The following GRIP1 variants were observed in gnomAD, a reference collection of about 807,000 sequenced individuals.
The protein encoded by GRIP1 is glutamate receptor interacting protein 1.
Under a neutral mutation model 129.9 loss-of-function variants are expected in GRIP1, and 45 were observed. That is an observed-to-expected ratio of 0.35 (90% CI 0.27 to 0.44). The LOEUF is 0.44. Ranked by LOEUF, GRIP1 falls within the 20% of genes least tolerant of loss-of-function variation. The pLI is 1.00. For synonymous variants in GRIP1, 530 were observed against 520.8 expected, an observed-to-expected ratio of 1.02 and a Z score of -0.24; for missense variants, 1,196 against 1,396.8, an observed-to-expected ratio of 0.86 and a Z score of 2.29.
chr12:66,565,402 T>C (rs1196845868), intron 2 of GRIP1, among the ~76,000 whole-genome samples: 4 of 152,210 alleles, frequency 2.6e-5, no homozygotes, highest in Non-Finnish European at 4.4e-5. Flanking sequence ...ATTTCTTGTT[T>C]TTGTCAGGTT....
intron 1 of GRIP1, among the ~76,000 whole-genome samples, chr12:66,992,541 CAT>C (rs10549958): frequency 0.24 from 36,606 of 151,934 alleles, 4,833 homozygotes; most frequent in East Asian, 0.4. Context: ...AAAGATAAGA[CAT>C]GTGCTATCAA....
At chr12:66,805,385 T>C (rs923715736), upstream of GRIP1, among the ~76,000 whole-genome samples, 3 of 151,970 alleles carry the variant, frequency 2.0e-5, no homozygotes, top group Non-Finnish European at 4.4e-5. Context: ...CATGAATAAT[T>C]TTTTTTTCTC....
intron 7 of GRIP1, among the ~76,000 whole-genome samples, chr12:66,488,674 C>A (rs11176227): frequency 6.6e-6 from 1 of 151,244 alleles, no homozygotes; most frequent in Non-Finnish European, 1.5e-5. Flanking sequence ...AAAAAATCAA[C>A]GAATCTAGGA....
intron 2 of GRIP1, among the ~76,000 whole-genome samples, chr12:66,554,244 C>A (rs879425004): frequency 6.6e-6 from 1 of 152,110 alleles, no homozygotes; most frequent in Non-Finnish European, 1.5e-5. Context: ...GAGGGCACCA[C>A]ACAAAGTTGG....
At chr12:66,873,317 C>G (rs975272) in intron 1 of GRIP1, among the ~76,000 whole-genome samples, 12,425 of 152,108 alleles carry the variant, frequency 0.082, 560 homozygotes, top group Admixed American at 0.11. Context: ...GGCAAAGTCA[C>G]ACTGTAGAAG....
chr12:66,726,447 AAAG>A (rs1297975116), intron 1 of GRIP1, among the ~76,000 whole-genome samples: 6 of 152,188 alleles, frequency 3.9e-5, no homozygotes, highest in African/African-American at 1.4e-4. Flanking sequence ...TAGACGCCTG[AAAG>A]AATATAGGGC....
At chr12:66,606,857 C>T (rs1279869702) in intron 1 of GRIP1, among the ~76,000 whole-genome samples, 1 of 152,082 alleles carries the variant, frequency 6.6e-6, no homozygotes, top group Admixed American at 6.6e-5. Context: ...TATGGGGATA[C>T]AGAGGCTTAT....
At chr12:66,567,141 CTTAG>C (rs1160468337) in intron 2 of GRIP1, among the ~76,000 whole-genome samples, 1 of 152,070 alleles carries the variant, frequency 6.6e-6, no homozygotes, top group Non-Finnish European at 1.5e-5. Context: ...CTGCTCTGAT[CTTAG>C]TTATTTCTTG....
At chr12:66,934,867 G>A (rs1002804884) in intron 1 of GRIP1, among the ~76,000 whole-genome samples, 5 of 152,200 alleles carry the variant, frequency 3.3e-5, no homozygotes, top group Non-Finnish European at 5.9e-5. Flanking sequence ...GTGCCCAGGA[G>A]ACACCAGAAA....
At chr12:66,869,644 A>G (rs980274288) in intron 1 of GRIP1, among the ~76,000 whole-genome samples, 3 of 152,136 alleles carry the variant, frequency 2.0e-5, no homozygotes, top group Non-Finnish European at 4.4e-5. Context: ...ATGAAAAGTG[A>G]CAGATACGTA....
intron 1 of GRIP1, among the ~76,000 whole-genome samples, chr12:67,003,048 T>C (rs554379146): frequency 1.0e-3 from 156 of 152,200 alleles, no homozygotes; most frequent in African/African-American, 3.7e-3. Context: ...GCAGCGATGG[T>C]CTGGAAGGGC....
chr12:66,438,455 A>G (rs545473649), intron 13 of GRIP1, among the ~76,000 whole-genome samples: 1 of 151,904 alleles, frequency 6.6e-6, no homozygotes, highest in South Asian at 2.1e-4. Context: ...GTTCCTCAGT[A>G]GAGCCAACTG....
intron 22 of GRIP1, chr12:66,372,471 G>A (rs1160694290): frequency 6.1e-6 from 1 of 163,382 alleles, no homozygotes; most frequent in African/African-American, 2.4e-5. Context: ...TCTTTCCTTT[G>A]GCCAAGTGGC....
At chr12:66,689,478 A>G (rs374889978) in intron 1 of GRIP1, among the ~76,000 whole-genome samples, 142 of 152,278 alleles carry the variant, frequency 9.3e-4, no homozygotes, top group African/African-American at 3.3e-3. Flanking sequence ...GCTTAAGTCT[A>G]TATATACATT....
At chr12:67,006,324 T>C (rs940172668) in intron 1 of GRIP1, among the ~76,000 whole-genome samples, 2 of 152,048 alleles carry the variant, frequency 1.3e-5, no homozygotes, top group African/African-American at 4.8e-5. Flanking sequence ...CAGCACTTTG[T>C]GAGGCTGAGG....
chr12:66,843,413 T>C (rs1378975454), intron 1 of GRIP1, among the ~76,000 whole-genome samples: 2 of 152,130 alleles, frequency 1.3e-5, no homozygotes, highest in East Asian at 1.9e-4. Context: ...TTTGGGTTCT[T>C]TGATATTCCA....
intron 1 of GRIP1, among the ~76,000 whole-genome samples, chr12:66,668,091 C>T (rs75261471): frequency 0.016 from 2,505 of 152,248 alleles, 62 homozygotes; most frequent in African/African-American, 0.057. Context: ...TGGGATGTAG[C>T]TGAGGCAAAA....
At chr12:67,005,511 G>A (rs777381550) in intron 1 of GRIP1, among the ~76,000 whole-genome samples, 73 of 152,296 alleles carry the variant, frequency 4.8e-4, no homozygotes, top group Non-Finnish European at 7.5e-4. Context: ...TAAGAGGAAG[G>A]TACTATTTGC....
At position 66,750,921 on chromosome 12, in the gene GRIP1, T is replaced by A. The variant is rs191426656; in HGVS notation, c.-420+53132A>T. On this transcript the variant is annotated intron_variant, in intron 1 of 4. Coordinates refer to the GRIP1 transcript ENST00000538373. ...AACAGCATAGGCAATGAACAGTAATTCATCTCCTAAAGTAATAGGAAGATT... is the reference window on the plus strand; with the variant it reads ...AACAGCATAGGCAATGAACAGTAATACATCTCCTAAAGTAATAGGAAGATT... Among the ~76,000 whole-genome samples, 627 of 152,306 alleles carry A rather than the reference T, an allele frequency of 4.1e-3. 4 individuals are homozygous for A. The highest frequency in any genetic ancestry group is 8.0e-3 in the Admixed American group (122 of 15,290).
Sources: gnomAD v4.1 joint callset for allele counts (sites outside exome capture counted in the v4.1 genomes callset) on GRCh38, gnomAD v4.1.1 for gene constraint, MANE v1.5 for transcripts, NCBI Gene and HGNC (gene_info 2026-07-23, HGNC 2026-07-21) for gene names.